Variants in TMCC1 observed in about 807,000 individuals in gnomAD.
TMCC1 encodes transmembrane and coiled-coil domains protein 1.
TMCC1 carries 15 observed loss-of-function variants against 52.4 expected under a neutral mutation model. The ratio of observed to expected loss-of-function variants is 0.29; its 90% confidence interval spans 0.19 to 0.44. The LOEUF (loss-of-function observed/expected upper bound fraction) is 0.44. Among genes scored for constraint, TMCC1 ranks in the 20% least tolerant of loss-of-function variants. The probability of loss-of-function intolerance (pLI) is 1.00; values close to 1 mark genes in which losing one functional copy is unlikely to be tolerated. For missense variants in TMCC1, 503 were observed against 806.0 expected (o/e 0.62, Z 4.55); for synonymous variants, 279 against 301.9 (o/e 0.92, Z 0.79).
At chr3:129,792,792 G>A (rs140647614) in intron 4 of TMCC1, among the ~76,000 whole-genome samples, 177 of 152,086 alleles carry the variant, frequency 1.2e-3, no homozygotes, top group African/African-American at 3.7e-3. Flanking sequence ...CCAGGAAAAG[G>A]AATGAAAAAA....
intron 5 of TMCC1, among the ~76,000 whole-genome samples, chr3:129,663,145 C>T (rs2108867136): frequency 6.6e-6 from 1 of 152,254 alleles, no homozygotes; most frequent in East Asian, 1.9e-4. Flanking sequence ...TGTCAAATTA[C>T]TGATGAATGG....
chr3:129,794,354 C>CTGAA, intron 4 of TMCC1: 2 of 456,278 alleles, frequency 4.4e-6, no homozygotes, highest in Non-Finnish European at 8.8e-6. Flanking sequence ...GGCTAAAGCG[C>CTGAA]TGAACCATGA....
At chr3:129,697,146 G>A (rs1053596528) in intron 4 of TMCC1, among the ~76,000 whole-genome samples, 1 of 152,222 alleles carries the variant, frequency 6.6e-6, no homozygotes, top group African/African-American at 2.4e-5. Context: ...CCTAGCAGAG[G>A]TTCTCCATGA....
At chr3:129,801,914 G>A (rs1413994174) in intron 4 of TMCC1, among the ~76,000 whole-genome samples, 2 of 152,168 alleles carry the variant, frequency 1.3e-5, no homozygotes, top group East Asian at 1.9e-4. Context: ...GACAGTTCTT[G>A]TACATTTATA....
chr3:129,656,599 C>T (rs1419650005), intron 5 of TMCC1: 1 of 152,076 alleles, frequency 6.6e-6, no homozygotes, highest in Non-Finnish European at 1.5e-5. Flanking sequence ...ATAATTATAT[C>T]CTAAACTCCA....
chr3:129,725,756 G>C (rs1347676012), intron 4 of TMCC1, among the ~76,000 whole-genome samples: 1 of 151,944 alleles, frequency 6.6e-6, no homozygotes, highest in East Asian at 1.9e-4. Flanking sequence ...ACAAGAAACA[G>C]TGCCCAGAAT....
rs115737127 is a variant in TMCC1, at chr3:129,663,721, G to A, written c.1511+6609C>T. Reference sequence around the variant, plus strand: ...CAGGAAATAAATAAAAACTAGAGGGGCTTTCTGGGCAACTTGCAGACTTGG... The same window carrying A: ...CAGGAAATAAATAAAAACTAGAGGGACTTTCTGGGCAACTTGCAGACTTGG... On this transcript the variant is annotated intron_variant, in intron 5 of 6. Coordinates refer to ENST00000393238, the MANE Select transcript of TMCC1 (RefSeq NM_001017395.5). Among the ~76,000 whole-genome samples the A allele has an allele frequency of 3.0e-3, 462 of 152,234 alleles. 2 individuals carry two copies. Among genetic ancestry groups the A allele is most frequent in the African/African-American group, 0.01 (423 of 41,528 alleles).
chr3:129,765,511 G>A (rs1306081132), intron 4 of TMCC1, among the ~76,000 whole-genome samples: 2 of 152,102 alleles, frequency 1.3e-5, no homozygotes, highest in African/African-American at 4.8e-5. Flanking sequence ...AGAAAAAGCA[G>A]CTTAATTTGA....
intron 4 of TMCC1, among the ~76,000 whole-genome samples, chr3:129,760,428 GTGTGTGTTTT>G (rs1560352540): frequency 1.3e-5 from 2 of 149,358 alleles, no homozygotes; most frequent in East Asian, 4.1e-4. Context: ...GTGTGTGTGT[GTGTGTGTTTT>G]TGAGACAGTC....
At position 129,648,283 on chromosome 3, in the gene TMCC1, A is replaced by G. The variant is rs896296359; in HGVS notation, c.*3198T>C. ...TCAAAGGAACATGAAATCAGAAACA[A>G]AACCAAATGCAGTGAAGACCACATG... On this transcript the variant is annotated 3_prime_UTR_variant, in exon 7 of 7. Transcript: ENST00000393238. 1 of 152,262 alleles carries G rather than the reference A, an allele frequency of 6.6e-6. No homozygotes were observed. Among genetic ancestry groups the G allele is most frequent in the African/African-American group, 2.4e-5 (1 of 41,476 alleles). 9.4% of individuals were successfully genotyped at this position (152,262 alleles called of 1,614,324 possible). A position where few individuals can be genotyped will look rare whatever the true frequency, so the allele number is the denominator to read the frequency against.
At position 129,651,562 on chromosome 3, in the gene TMCC1, A is replaced by C; in HGVS notation, c.1881T>G (p.Leu627=). Residue 627 remains leucine (L), a synonymous_variant, in exon 7 of 7, where the codon CTT becomes CTG. Transcript: ENST00000393238. The surrounding 1 kb of genome is among the most constrained non-coding windows in gnomAD (Gnocchi z 5.1). ...TCCAGAGAAAGGCAATAAAAACCAC[A>C]AGGAATAAAGTGCTGAACGTCCTGT... ...TRNRTFSTLF[L]VVFIAFLWKH... 6.2e-7 allele frequency: 1 copy of C among 1,614,192 alleles called. No individual in the cohort carries two copies. The highest frequency in any genetic ancestry group is 8.5e-7 in the Non-Finnish European group (1 of 1,180,034).
intron 4 of TMCC1, among the ~76,000 whole-genome samples, chr3:129,782,943 G>T (rs2055655200): frequency 6.6e-6 from 1 of 152,172 alleles, no homozygotes; most frequent in Non-Finnish European, 1.5e-5. Context: ...AACCAGAATG[G>T]AGACTTTCAT....
Position 129,700,722 on chromosome 3 carries a change from G to A in TMCC1, c.577-29458C>T, listed in dbSNP as rs193114702. 2.6e-5 allele frequency among the ~76,000 whole-genome samples: 4 copies of A among 151,246 alleles called. No homozygotes were observed. In the East Asian group the frequency reaches 7.8e-4, roughly 29 times the overall value. ...GAACTCCTGACCTCGTGATCTGCCT[G>A]CCTCAGCCTCTCAAAGTGCTGGGAT... On this transcript the variant is annotated intron_variant, in intron 4 of 6. Coordinates refer to ENST00000393238, the MANE Select transcript of TMCC1 (RefSeq NM_001017395.5).
intron 2 of TMCC1, chr3:129,867,246 A>AC (rs1361388779): frequency 1.3e-5 from 2 of 152,222 alleles, no homozygotes; most frequent in Admixed American, 1.3e-4. Context: ...GGCTAGTCTC[A>AC]CAAACACAGA....
At chr3:129,700,198 G>C (rs1238826697) in intron 4 of TMCC1, among the ~76,000 whole-genome samples, 2 of 151,662 alleles carry the variant, frequency 1.3e-5, no homozygotes, top group African/African-American at 4.8e-5. Flanking sequence ...AACATAGTGA[G>C]ACCTTGTCTC....
intron 4 of TMCC1, among the ~76,000 whole-genome samples, chr3:129,730,924 T>C (rs1055953311): frequency 2.6e-5 from 4 of 152,270 alleles, no homozygotes; most frequent in Admixed American, 6.5e-5. Flanking sequence ...GTGGTTTCAC[T>C]AAATTCTACC....
At chr3:129,779,965 A>G (rs1330115729) in intron 4 of TMCC1, among the ~76,000 whole-genome samples, 1 of 152,042 alleles carries the variant, frequency 6.6e-6, no homozygotes, top group Non-Finnish European at 1.5e-5. Context: ...ATTCAATCAT[A>G]TTTCTGATAT....
intron 2 of TMCC1, among the ~76,000 whole-genome samples, chr3:129,862,240 G>A (rs1158945256): frequency 6.6e-6 from 1 of 152,128 alleles, no homozygotes; most frequent in African/African-American, 2.4e-5. Flanking sequence ...ACTGCTCAAT[G>A]GGTACAGAGT....
chr3:129,659,220 C>T (rs2108857153), intron 5 of TMCC1, among the ~76,000 whole-genome samples: 1 of 151,506 alleles, frequency 6.6e-6, no homozygotes, highest in South Asian at 2.1e-4. Flanking sequence ...CCACCTCAGC[C>T]TTCTGAGTAG....
Sources: gnomAD v4.1 joint callset for allele counts (sites outside exome capture counted in the v4.1 genomes callset) on GRCh38, gnomAD v4.1.1 for gene constraint, Gnocchi (gnomAD v3.1) non-coding constraint, MANE v1.5 for transcripts, NCBI Gene and HGNC (gene_info 2026-07-23, HGNC 2026-07-21) for gene names.